Variants in DNAJC13 observed in about 807,000 individuals in gnomAD.
The protein encoded by DNAJC13 is dnaJ homolog subfamily C member 13.
DNAJC13 carries 75 observed loss-of-function variants against 290.5 expected under a neutral mutation model. The ratio of observed to expected loss-of-function variants is 0.26; its 90% CI spans 0.21 to 0.31. DNAJC13 has a LOEUF of 0.31. DNAJC13 is among the 10% of genes least tolerant of loss of function. The probability of loss-of-function intolerance (pLI) is 1.00; values close to 1 mark genes in which losing one functional copy is unlikely to be tolerated. For missense variants in DNAJC13, 2,260 were observed against 2,674.5 expected (o/e 0.85, Z 3.42); for synonymous variants, 862 against 892.0 (o/e 0.97, Z 0.60).
At chr3:132,481,300 A>C (rs912185827) in intron 26 of DNAJC13, among the ~76,000 whole-genome samples, 1 of 152,220 alleles carries the variant, frequency 6.6e-6, no homozygotes, top group Admixed American at 6.5e-5. Flanking sequence ...TGTAAGAAAA[A>C]GAACAGGCCA....
chr3:132,512,974 C>T, intron 44 of DNAJC13, 34 bp from the exon 45 acceptor site: 2 of 1,553,550 alleles, frequency 1.3e-6, no homozygotes, highest in Non-Finnish European at 1.8e-6. Flanking sequence ...TCAAACATCT[C>T]CTGGAAGTAA....
chr3:132,466,318 A>G lies in DNAJC13; in HGVS notation c.1988A>G (p.Tyr663Cys). The G allele has an allele frequency of 6.3e-7, 1 of 1,591,256 alleles. No homozygotes were observed. Among genetic ancestry groups the G allele is most frequent in the South Asian group, 1.2e-5 (1 of 86,412 alleles). ...TTTTAGCCGCCAGGCTTGCTGGCAT[A>G]CTTGGAAAGCTCAGATCTCGTACCT... ...KRILPPGLLA[Y>C]LESSDLVPEK... The change falls in exon 19 of 56, where the codon TAC becomes TGC. Residue 663 changes from tyrosine to cysteine, a missense_variant. This residue lies in a region of DNAJC13 where 762 missense variants were observed against 964.1 expected (regional missense o/e 0.79). Transcript: ENST00000260818.
intron 48 of DNAJC13, among the ~76,000 whole-genome samples, chr3:132,522,172 G>T (rs1434336558): frequency 6.6e-6 from 1 of 152,126 alleles, no homozygotes; most frequent in African/African-American, 2.4e-5. Context: ...TAAGATTTGA[G>T]CCCAGAATTT....
At chr3:132,515,053 A>G (rs1481398800) in intron 46 of DNAJC13, among the ~76,000 whole-genome samples, 8 of 152,296 alleles carry the variant, frequency 5.3e-5, no homozygotes, top group Middle Eastern at 3.4e-3. Context: ...AAATCTGTGT[A>G]CTTTGTCTTT....
rs3762675 is a variant in DNAJC13 at position 132,516,200 on chromosome 3, A to C, written c.5486-222A>C. Among the ~76,000 whole-genome samples, 15,337 of 152,230 alleles carry C rather than the reference A, an allele frequency of 0.1. 1,435 individuals carry two copies. The highest frequency in any genetic ancestry group is 0.53 in the East Asian group (2,754 of 5,168). ...GAGGCAGACCTGCATACAAAACTCA[A>C]CTATACCACTTATTAGCTGTGAGAC... On this transcript the variant is annotated intron_variant, in intron 46 of 55. Transcript: ENST00000260818.
In DNAJC13 at chr3:132,522,441, T is replaced by C. The variant is rs542235899; in HGVS notation, c.5674-387T>C. Among the ~76,000 whole-genome samples, 9 of 152,300 alleles carry C rather than the reference T, an allele frequency of 5.9e-5. No individual in the cohort carries two copies. In the East Asian group the frequency reaches 1.3e-3, roughly 23 times the overall value. On this transcript the variant is annotated intron_variant, in intron 48 of 55. Coordinates refer to ENST00000260818, the MANE Select transcript of DNAJC13 (RefSeq NM_015268.4). ...AAAATTAGTTTGTGTGGGCAGGGGCTATAAAAGAGAGTTGGAAGGGACAAG... is the reference window on the plus strand; with the variant it reads ...AAAATTAGTTTGTGTGGGCAGGGGCCATAAAAGAGAGTTGGAAGGGACAAG...
chr3:132,487,747 T>C (rs1248026593), intron 29 of DNAJC13, among the ~76,000 whole-genome samples: 1 of 151,962 alleles, frequency 6.6e-6, no homozygotes, highest in Non-Finnish European at 1.5e-5. Context: ...TTTATTAGAG[T>C]AATTCCAGAA....
At chr3:132,470,845 A>T (rs1934204033) in intron 20 of DNAJC13, among the ~76,000 whole-genome samples, 1 of 103,110 alleles carries the variant, frequency 9.7e-6, no homozygotes, top group Non-Finnish European at 2.0e-5. Context: ...CGGGGGGCTG[A>T]TCCCCCCACC....
rs34151394 is a variant in DNAJC13, at chr3:132,506,541, C to CTTTTT, written c.4999-671_4999-667dup. On this transcript the variant is annotated intron_variant, in intron 42 of 55. Transcript: ENST00000260818. ...TTTAGCACTTTTGTTCAGTGTATTA[C>CTTTTT]TTTTTTTTTTTTTTTTTTTTTTTTT... Among the ~76,000 whole-genome samples the CTTTTT allele has an allele frequency of 1.0e-3, 57 of 54,752 alleles. 13 individuals carry two copies. The highest frequency in any genetic ancestry group is 1.8e-3 in the East Asian group (4 of 2,208). The allele number at this position is 54,752 out of a possible 152,430, so 35.9% of individuals were successfully genotyped here.
intron 48 of DNAJC13, among the ~76,000 whole-genome samples, chr3:132,517,852 G>C (rs183353496): frequency 1.1e-3 from 168 of 152,238 alleles, no homozygotes; most frequent in African/African-American, 3.9e-3. Flanking sequence ...TCTCAGTCTA[G>C]GTATTGAGAA....
chr3:132,488,842 T>G, intron 30 of DNAJC13, 134 bp from the exon 31 acceptor site: 1 of 653,418 alleles, frequency 1.5e-6, no homozygotes, highest in South Asian at 2.0e-5. Flanking sequence ...ATTAAATAAT[T>G]TGGGAATATG....
chr3:132,498,014 C>A (rs1426954310), intron 36 of DNAJC13, among the ~76,000 whole-genome samples: 1 of 152,042 alleles, frequency 6.6e-6, no homozygotes, highest in East Asian at 1.9e-4. Flanking sequence ...CTTTTAAAGT[C>A]ACAGCCAATT....
intron 54 of DNAJC13, 62 bp downstream of exon 54, chr3:132,528,394 C>CCACGTA: frequency 6.3e-7 from 1 of 1,579,222 alleles, no homozygotes; most frequent in Non-Finnish European, 8.6e-7. Context: ...CATGGATGGT[C>CCACGTA]CACGTACCTG....
chr3:132,510,069 C>T (rs1483894144), intron 43 of DNAJC13, among the ~76,000 whole-genome samples: 1 of 151,984 alleles, frequency 6.6e-6, no homozygotes, highest in East Asian at 1.9e-4. Flanking sequence ...AGAAGTTGTT[C>T]CTTGCCCAGC....
In DNAJC13 at chr3:132,526,136, C is replaced by T. The variant is rs1393936920; in HGVS notation, c.6241-5C>T. 1.2e-6 allele frequency: 2 copies of T among 1,613,742 alleles called. No homozygotes were observed. Among genetic ancestry groups the T allele is most frequent in the Non-Finnish European group, 1.7e-6 (2 of 1,179,864 alleles). ...TACAAGTAACCTTCTCTTTTGGGCA[C>T]TTAGCTGTGTGTTCGAGCCATGGCA... On this transcript the variant is annotated splice_polypyrimidine_tract_variant and splice_region_variant and intron_variant, in intron 52 of 55. Transcript: ENST00000260818.
intron 1 of DNAJC13, among the ~76,000 whole-genome samples, chr3:132,422,086 A>C (rs1359424541): frequency 6.6e-6 from 1 of 151,224 alleles, no homozygotes; most frequent in East Asian, 1.9e-4. Context: ...GCTGGAATGC[A>C]GTGACACGAT....
Position 132,496,680 on chromosome 3 carries a change from C to G in DNAJC13, c.4156+17C>G, listed in dbSNP as rs377145544. The stretch of plus-strand genomic sequence containing the variant: ...ATAAAGAAGGTAAGATGTCTGTTCT[C>G]AGATTTTAATTTATCCTCCAGCTAA... On this transcript the variant is annotated intron_variant, in intron 36 of 55. Coordinates refer to ENST00000260818, the MANE Select transcript of DNAJC13 (RefSeq NM_015268.4). 13 of 1,586,520 alleles carry G rather than the reference C, an allele frequency of 8.2e-6. No individual in the cohort carries two copies. The African/African-American group carries it at 1.5e-4, about 18-fold the overall frequency.
At chr3:132,514,751 TCAAA>T in intron 46 of DNAJC13, 81 bp downstream of exon 46, 1 of 958,670 alleles carries the variant, frequency 1.0e-6, no homozygotes, top group Non-Finnish European at 1.6e-6. Context: ...ATACAAAACC[TCAAA>T]CAAATGTCAT....
At chr3:132,463,061 A>G (rs527572068) in intron 16 of DNAJC13, among the ~76,000 whole-genome samples, 3 of 152,338 alleles carry the variant, frequency 2.0e-5, no homozygotes, top group Admixed American at 6.5e-5. Context: ...GTTGCATACT[A>G]TGATGATTAC....
Sources: gnomAD v4.1 joint callset for allele counts (sites outside exome capture counted in the v4.1 genomes callset) on GRCh38, gnomAD v4.1.1 for gene constraint, gnomAD v4.1.1 regional missense constraint, MANE v1.5 for transcripts, NCBI Gene and HGNC (gene_info 2026-07-23, HGNC 2026-07-21) for gene names.